Variants in RNASET2 observed in about 807,000 individuals in gnomAD.
RNASET2 encodes the protein ribonuclease T2.
RNASET2 carries 28 observed loss-of-function variants against 33.9 expected under a neutral mutation model. The observed-to-expected ratio is 0.83, with a 90% confidence interval of 0.61 to 1.13. RNASET2 has a LOEUF of 1.13. Ranked by LOEUF, RNASET2 falls within the 50% of genes most tolerant of loss-of-function variation. The pLI is 0.00. For missense variants in RNASET2, 330 were observed against 319.9 expected, an observed-to-expected ratio of 1.03 and a Z score of -0.24; for synonymous variants, 123 against 121.0, an observed-to-expected ratio of 1.02 and a Z score of -0.11.
intron 4 of RNASET2, among the ~76,000 whole-genome samples, chr6:166,945,905 G>A (rs1486093739): frequency 6.6e-6 from 1 of 151,536 alleles, no homozygotes; most frequent in Non-Finnish European, 1.5e-5. Flanking sequence ...CTTGGGGAAT[G>A]TACCATTCCT....
At chr6:166,936,567 A>G (rs1378791659) in intron 6 of RNASET2, among the ~76,000 whole-genome samples, 2 of 152,208 alleles carry the variant, frequency 1.3e-5, no homozygotes, top group Admixed American at 1.3e-4. Context: ...CAGAGATCAC[A>G]TGGCCAGAGA....
Position 166,939,025 on chromosome 6 carries a change from A to G in RNASET2, c.333-17T>C. On this transcript the variant is annotated splice_polypyrimidine_tract_variant and intron_variant, in intron 5 of 8. Transcript: ENST00000508775. ...TCATGCTTCCTGTGAGGATTAGGAA[A>G]AATCTCCACTTAAAAGTAGTGAAAC... 1.9e-6 allele frequency: 3 copies of G among 1,583,014 alleles called. No individual in the cohort carries two copies. Among genetic ancestry groups the G allele is most frequent in the Non-Finnish European group, 2.6e-6 (3 of 1,154,722 alleles).
intron 8 of RNASET2, 72 bp downstream of exon 8, chr6:166,930,972 A>G (rs987453960): frequency 1.0e-4 from 106 of 1,047,816 alleles, no homozygotes; most frequent in Middle Eastern, 8.0e-4. Context: ...CTGCATGGTG[A>G]AGACAAGGCC....
At chr6:166,952,073 G>A (rs906832344) in intron 2 of RNASET2, among the ~76,000 whole-genome samples, 4 of 152,224 alleles carry the variant, frequency 2.6e-5, no homozygotes, top group African/African-American at 7.2e-5. Flanking sequence ...GACACAAAGT[G>A]GAGAACACAC....
In RNASET2 at chr6:166,929,759, T is replaced by C; in HGVS notation, c.600A>G (p.Glu200=). 1 of 1,614,172 alleles carries C rather than the reference T, an allele frequency of 6.2e-7. No individual in the cohort carries two copies. Among genetic ancestry groups the C allele is most frequent in the Non-Finnish European group, 8.5e-7 (1 of 1,180,028 alleles). ...DEEVQTIGQI[E]LCLTKQDQQL... ...GCTGGTCTTGCTTAGTGAGGCACAG[T>C]TCTATCTGACCAATTGTCTGTACTT... is the stretch of plus-strand genomic sequence containing the variant. The change falls in exon 9 of 9, where the codon GAA becomes GAG. Residue 200 remains glutamate, a synonymous_variant. Transcript: ENST00000508775.
intron 7 of RNASET2, chr6:166,931,916 A>C (rs1536643): frequency 0.98 from 151,135 of 154,376 alleles, 74,049 homozygotes; most frequent in Non-Finnish European, 1. Flanking sequence ...TTCCTGCCCC[A>C]TCTCCTTGGC....
Position 166,956,204 on chromosome 6 carries a change from C to T in RNASET2, c.-22G>A. 6.5e-7 allele frequency: 1 copy of T among 1,543,794 alleles called. No individual in the cohort carries two copies. The highest frequency in any genetic ancestry group is 8.8e-7 in the Non-Finnish European group (1 of 1,142,462). On this transcript the variant is annotated 5_prime_UTR_variant, in exon 1 of 9. Coordinates refer to ENST00000508775, the MANE Select transcript of RNASET2 (RefSeq NM_003730.6). The stretch of plus-strand genomic sequence containing the variant: ...GCATGGTGCCGACCTGCGGAGAGAA[C>T]GCTGCCAGCTGCCGCTCCGGCTCCC...
intron 7 of RNASET2, chr6:166,932,956 C>A (rs1476076781): frequency 6.6e-6 from 1 of 152,152 alleles, no homozygotes; most frequent in East Asian, 1.9e-4. Context: ...TTCCTCAAGT[C>A]CACTGCTCCC....
Position 166,933,857 on chromosome 6 carries a change from C to T in RNASET2, c.492+234G>A. 1 of 584,800 alleles carries T rather than the reference C, an allele frequency of 1.7e-6. No individual in the cohort carries two copies. The highest frequency in any genetic ancestry group is 2.8e-5 in the East Asian group (1 of 35,408). The allele number at this position is 584,800 out of a possible 1,614,324, so 36.2% of individuals were successfully genotyped here. On this transcript the variant is annotated intron_variant, in intron 7 of 8. Transcript: ENST00000508775. This position sits in a 1 kb window ranked among gnomAD's most constrained non-coding sequence, Gnocchi z 4.1. ...CGGACCCTGGAGCACACACTTCTCACAAAGGGAGCCATGAAATCTGTGCTT... is the reference window on the plus strand; with the variant it reads ...CGGACCCTGGAGCACACACTTCTCATAAAGGGAGCCATGAAATCTGTGCTT...
At chr6:166,931,301 C>T in intron 7 of RNASET2, 183 bp from the exon 8 acceptor site, 1 of 628,004 alleles carries the variant, frequency 1.6e-6, no homozygotes, top group South Asian at 1.8e-5. Context: ...TGCTGTCAAC[C>T]TGGGCTTCAT....
chr6:166,951,271 G>C (rs2757038), intron 2 of RNASET2, among the ~76,000 whole-genome samples: 1,940 of 152,372 alleles, frequency 0.013, 47 homozygotes, highest in African/African-American at 0.044. Context: ...AGAAGGCAGA[G>C]CCAGGTGTAC....
Position 166,929,665 on chromosome 6 carries a change from C to T in RNASET2, c.694G>A (p.Ala232Thr). ...ACTCTCAGACCCCGGCTCTCGGCGGCCCCATTTGCCAGCCAGACTTCCTGC... is the reference window on the plus strand; with the variant it reads ...ACTCTCAGACCCCGGCTCTCGGCGGTCCCATTTGCCAGCCAGACTTCCTGC... ...PKQEVWLANG[A>T]AESRGLRVCE... is the part of the protein sequence containing the mutation. Residue 232 changes from alanine to threonine, a missense_variant, in exon 9 of 9, where the codon GCC becomes ACC. Physicochemically the swap from Ala to Thr is moderately conservative, Grantham distance 58 (BLOSUM62 0). Transcript: ENST00000508775. 1 of 1,614,132 alleles carries T rather than the reference C, an allele frequency of 6.2e-7. No individual in the cohort carries two copies. The highest frequency in any genetic ancestry group is 8.5e-7 in the Non-Finnish European group (1 of 1,180,002).
rs2128643374 is a variant in RNASET2, at chr6:166,928,477, A to G, written c.*1111T>C. 6.7e-6 allele frequency among the ~76,000 whole-genome samples: 1 copy of G among 148,524 alleles called. No individual in the cohort carries two copies. The highest frequency in any genetic ancestry group is 3.5e-3 in the Middle Eastern group (1 of 286). Reference sequence around the variant, plus strand: ...TTTTTTTGTAAATTATGCTGACAATATGGTTATTCTAAGGATTAAATATTT... The same window carrying G: ...TTTTTTTGTAAATTATGCTGACAATGTGGTTATTCTAAGGATTAAATATTT... On this transcript the variant is annotated 3_prime_UTR_variant, in exon 9 of 9. Transcript: ENST00000508775.
At chr6:166,951,568 C>T (rs1050790875) in intron 2 of RNASET2, among the ~76,000 whole-genome samples, 4 of 145,422 alleles carry the variant, frequency 2.8e-5, no homozygotes, top group East Asian at 2.0e-4. Flanking sequence ...TGGCCCTGTC[C>T]GGGCGTGACA....
chr6:166,955,363 GCA>G (rs1270564056), intron 1 of RNASET2: 4 of 252,732 alleles, frequency 1.6e-5, no homozygotes, highest in Admixed American at 1.3e-4. Flanking sequence ...ACACACACAC[GCA>G]CACACAAACG....
At chr6:166,945,518 G>T (rs1778813355) in intron 4 of RNASET2, 1 of 153,218 alleles carries the variant, frequency 6.5e-6, no homozygotes, top group Middle Eastern at 1.3e-3. Context: ...GGAGGAAAAA[G>T]AAAACAATTC....
At chr6:166,931,150 A>C (rs1454087106) in intron 7 of RNASET2, 32 bp from the exon 8 acceptor site, 1 of 1,428,334 alleles carries the variant, frequency 7.0e-7, no homozygotes, top group African/African-American at 1.4e-5. Flanking sequence ...TTAGAAATTA[A>C]ACTTCAACAG....
chr6:166,935,443 G>T (rs1197879008), intron 6 of RNASET2, among the ~76,000 whole-genome samples: 7 of 152,070 alleles, frequency 4.6e-5, no homozygotes, highest in African/African-American at 1.7e-4. Flanking sequence ...AAGGGAATAC[G>T]GCAAAGAGAG....
Position 166,938,966 on chromosome 6 carries a change from C to T in RNASET2, c.375G>A (p.Val125=), listed in dbSNP as rs759463604. The part of the protein sequence containing the change: ...WEKHGTCAAQ[V]DALNSQKKYF... ...ACTTCTTCTGGGAGTTGAGCGCATC[C>T]ACCTGGGCGGCGCAGGTCCCATGCT... The change falls in exon 6 of 9, where the codon GTG becomes GTA. Residue 125 remains valine (V), a synonymous_variant. Transcript: ENST00000508775. 2 of 1,613,754 alleles carry T rather than the reference C, an allele frequency of 1.2e-6. No homozygotes were observed. The highest frequency in any genetic ancestry group is 1.7e-6 in the Non-Finnish European group (2 of 1,180,026).
Sources: allele counts gnomAD v4.1 joint callset (sites outside exome capture counted in the v4.1 genomes callset), GRCh38; gene constraint gnomAD v4.1.1; non-coding constraint Gnocchi (gnomAD v3.1); transcripts MANE v1.5; gene names NCBI Gene and HGNC (gene_info 2026-07-23, HGNC 2026-07-21).